ADGRL4: variants seen among roughly 807,000 people sequenced by gnomAD.
The protein encoded by ADGRL4 is adhesion G protein-coupled receptor L4, also known as EGF, latrophilin and seven transmembrane domain containing 1.
In ADGRL4, 90 loss-of-function variants were observed where a neutral mutation model predicts 74.8. The observed-to-expected ratio is 1.20, with a 90% CI of 1.02 to 1.43. ADGRL4 has a LOEUF of 1.43. Among genes scored for constraint, ADGRL4 ranks in the 40% most tolerant of loss-of-function variants. ADGRL4 has a pLI of 0.00. For missense variants in ADGRL4, 881 were observed against 814.3 expected (o/e 1.08, Z -1.00); for synonymous variants, 311 against 279.2 (o/e 1.11, Z -1.14).
intron 12 of ADGRL4, among the ~76,000 whole-genome samples, chr1:78,900,837 T>C (rs1354535135): frequency 6.6e-6 from 1 of 152,104 alleles, no homozygotes; most frequent in Non-Finnish European, 1.5e-5. Context: ...TGTAGCGGTG[T>C]GAGAATGGAC....
intron 2 of ADGRL4, among the ~76,000 whole-genome samples, chr1:79,004,045 G>A (rs1432400904): frequency 6.6e-6 from 1 of 151,896 alleles, no homozygotes; most frequent in Non-Finnish European, 1.5e-5. Context: ...ACTAAACACG[G>A]CATATTTAAT....
At chr1:78,970,080 G>T (rs1650140377) in intron 2 of ADGRL4, among the ~76,000 whole-genome samples, 1 of 152,148 alleles carries the variant, frequency 6.6e-6, no homozygotes, top group Non-Finnish European at 1.5e-5. Flanking sequence ...CCAGTTATCT[G>T]GGTGTGTCAC....
At chr1:78,975,559 T>C (rs915994287) in intron 2 of ADGRL4, among the ~76,000 whole-genome samples, 1 of 152,000 alleles carries the variant, frequency 6.6e-6, no homozygotes, top group East Asian at 1.9e-4. Flanking sequence ...CATCTGACTT[T>C]GCCACTACTG....
intron 2 of ADGRL4, among the ~76,000 whole-genome samples, chr1:78,989,200 T>C (rs776289835): frequency 1.3e-5 from 2 of 151,828 alleles, no homozygotes; most frequent in Non-Finnish European, 1.5e-5. Context: ...CATTAAACTA[T>C]TTCAAGAATT....
At chr1:78,963,527 G>A (rs777835413) in intron 2 of ADGRL4, among the ~76,000 whole-genome samples, 16 of 152,130 alleles carry the variant, frequency 1.1e-4, no homozygotes, top group Admixed American at 3.3e-4. Context: ...TATATTTGAA[G>A]TCTAATTTGG....
intron 2 of ADGRL4, among the ~76,000 whole-genome samples, chr1:78,961,363 G>A (rs186595733): frequency 2.0e-5 from 3 of 151,988 alleles, no homozygotes; most frequent in Non-Finnish European, 2.9e-5. Flanking sequence ...GGATGGTCTC[G>A]GTCTCTTGAC....
rs775602149 is a variant in ADGRL4 at position 78,891,630 on chromosome 1, A to G, written c.1904T>C (p.Val635Ala). Residue 635 changes from valine (V) to alanine (A), a missense_variant, in exon 14 of 15, where the codon GTT (valine) becomes GCT (alanine). Coordinates refer to ENST00000370742, the MANE Select transcript of ADGRL4 (RefSeq NM_022159.4). The part of the protein sequence containing the change: ...FLLGTTWIFG[V>A]LHVVHASVVT... The stretch of plus-strand genomic sequence containing the variant: ...CACTGATGCGTGCACAACATGGAGA[A>G]CCCCAAAGATCCAGGTGGTGCCGAG... 1 of 1,613,410 alleles carries G rather than the reference A, an allele frequency of 6.2e-7. No homozygotes were observed. The highest frequency in any genetic ancestry group is 1.7e-5 in the Admixed American group (1 of 59,926).
chr1:78,896,474 T>C (rs1648402327), intron 12 of ADGRL4, among the ~76,000 whole-genome samples: 1 of 152,042 alleles, frequency 6.6e-6, no homozygotes, highest in Non-Finnish European at 1.5e-5. Context: ...TTCTGCAATC[T>C]TCCCCATCTC....
intron 6 of ADGRL4, among the ~76,000 whole-genome samples, 158 bp from the exon 7 acceptor site, chr1:78,936,569 G>A (rs1489396): frequency 0.61 from 93,198 of 151,892 alleles, 28,752 homozygotes; most frequent in East Asian, 0.7. Context: ...ACAATGTAAT[G>A]TATATGTTAA....
chr1:78,921,719 C>T lies in ADGRL4; in HGVS notation c.1151G>A (p.Trp384Ter). 2 of 1,603,268 alleles carry T rather than the reference C, an allele frequency of 1.2e-6. No individual in the cohort carries two copies. Among genetic ancestry groups the T allele is most frequent in the African/African-American group, 2.7e-5 (2 of 74,104 alleles). Residue 384 changes from tryptophan (W) to a stop codon, truncating the protein, a stop_gained, in exon 9 of 15, where the codon TGG becomes TAG. Transcript: ENST00000370742. LOFTEE classifies it high-confidence loss of function. ...NYSPDTMNGS[W>*]SSEGCELTYS... The stretch of plus-strand genomic sequence containing the variant: ...TGTCAGCTCACAGCCCTCTGAAGAC[C>T]AGCTGCCATTCATGGTATCAGGTGA...
chr1:78,933,093 T>A (rs2100683389), intron 7 of ADGRL4, among the ~76,000 whole-genome samples: 1 of 151,558 alleles, frequency 6.6e-6, no homozygotes, highest in South Asian at 2.1e-4. Context: ...CCAGCCATCA[T>A]CCTGATACCA....
Position 78,921,684 on chromosome 1 carries a change from C to T in ADGRL4, c.1186G>A (p.Glu396Lys), listed in dbSNP as rs1254371514. 1.9e-6 allele frequency: 3 copies of T among 1,603,934 alleles called. No homozygotes were observed. The highest frequency in any genetic ancestry group is 2.6e-6 in the Non-Finnish European group (3 of 1,175,040). The change falls in exon 9 of 15, where the codon GAG (glutamate) becomes AAG (lysine). Residue 396 changes from glutamate (E) to lysine (K), a missense_variant. Coordinates refer to ENST00000370742, the MANE Select transcript of ADGRL4 (RefSeq NM_022159.4). ...TTACAGCGGCATGAGGTGTGGGTCTCATTTGAGTATGTCAGCTCACAGCCC... is the reference window on the plus strand; with the variant it reads ...TTACAGCGGCATGAGGTGTGGGTCTTATTTGAGTATGTCAGCTCACAGCCC... ...SEGCELTYSN[E>K]THTSCRCNHL...
chr1:78,959,961 C>T (rs758248649), intron 2 of ADGRL4, among the ~76,000 whole-genome samples: 13 of 152,026 alleles, frequency 8.6e-5, no homozygotes, highest in Non-Finnish European at 1.8e-4. Context: ...AGCCTAAATG[C>T]CCAACACAAA....
intron 2 of ADGRL4, among the ~76,000 whole-genome samples, chr1:79,003,135 A>T (rs566259554): frequency 8.5e-4 from 129 of 152,198 alleles, no homozygotes; most frequent in African/African-American, 2.9e-3. Context: ...AAGATAGGAA[A>T]GGTGAGGAAT....
intron 2 of ADGRL4, among the ~76,000 whole-genome samples, chr1:78,947,414 C>T (rs1649625478): frequency 6.6e-6 from 1 of 152,134 alleles, no homozygotes; most frequent in Non-Finnish European, 1.5e-5. Flanking sequence ...TAACTGCAAA[C>T]CAAAGAATGA....
At chr1:78,996,730 G>A (rs192315142) in intron 2 of ADGRL4, among the ~76,000 whole-genome samples, 40 of 151,876 alleles carry the variant, frequency 2.6e-4, no homozygotes, top group African/African-American at 5.1e-4. Flanking sequence ...TTCCATCTTC[G>A]CTTTTTAGCT....
chr1:78,933,228 AC>A (rs1204917424), intron 7 of ADGRL4, among the ~76,000 whole-genome samples: 1 of 151,452 alleles, frequency 6.6e-6, no homozygotes, highest in East Asian at 1.9e-4. Context: ...AAACATATCC[AC>A]CACAATCAGG....
At chr1:78,916,637 CT>C (rs1648878316) in intron 12 of ADGRL4, among the ~76,000 whole-genome samples, 1 of 151,820 alleles carries the variant, frequency 6.6e-6, no homozygotes, top group South Asian at 2.1e-4. Flanking sequence ...CAAAATAAAG[CT>C]TGATGAAAAT....
At chr1:78,979,353 T>C (rs1273861704) in intron 2 of ADGRL4, among the ~76,000 whole-genome samples, 1 of 151,958 alleles carries the variant, frequency 6.6e-6, no homozygotes, top group East Asian at 1.9e-4. Context: ...ACGTTCTTCT[T>C]CTATTCGCAC....
Sources: gnomAD v4.1 joint callset for allele counts (sites outside exome capture counted in the v4.1 genomes callset) on GRCh38, gnomAD v4.1.1 for gene constraint, MANE v1.5 for transcripts, NCBI Gene and HGNC (gene_info 2026-07-23, HGNC 2026-07-21) for gene names.